The following AUTS2 variants were observed in gnomAD, a reference collection of about 807,000 sequenced individuals.
AUTS2 encodes autism susceptibility gene 2 protein.
In AUTS2, 17 loss-of-function variants were observed where a neutral mutation model predicts 112.4. That is an observed-to-expected ratio of 0.15 (90% CI 0.10 to 0.23). The LOEUF (loss-of-function observed/expected upper bound fraction) is 0.23. AUTS2 is among the 10% of genes least tolerant of loss of function. The probability of loss-of-function intolerance (pLI) is 1.00; values close to 1 mark genes in which losing one functional copy is unlikely to be tolerated. For missense variants in AUTS2, 1,510 were observed against 1,701.6 expected, an observed-to-expected ratio of 0.89 and a Z score of 1.98; for synonymous variants, 751 against 702.7, an observed-to-expected ratio of 1.07 and a Z score of -1.09.
chr7:69,917,458 A>G (rs1318371498), intron 2 of AUTS2, among the ~76,000 whole-genome samples: 1 of 145,906 alleles, frequency 6.9e-6, no homozygotes, highest in Non-Finnish European at 1.5e-5. Context: ...TAAATCAGAA[A>G]TGGACTATAC....
intron 1 of AUTS2, among the ~76,000 whole-genome samples, chr7:69,700,236 C>T (rs1797749468): frequency 6.6e-6 from 1 of 152,124 alleles, no homozygotes; most frequent in Non-Finnish European, 1.5e-5. Context: ...GCATTATTTA[C>T]TATGTCCAAG....
intron 5 of AUTS2, among the ~76,000 whole-genome samples, chr7:70,533,305 G>A (rs549438495): frequency 6.6e-5 from 10 of 152,180 alleles, no homozygotes; most frequent in Non-Finnish European, 1.0e-4. Context: ...TTGTAGAAAC[G>A]GTCTCGCTTT....
chr7:69,830,733 C>T (rs923172115), intron 1 of AUTS2, among the ~76,000 whole-genome samples: 14 of 152,094 alleles, frequency 9.2e-5, no homozygotes, highest in Admixed American at 5.9e-4. Flanking sequence ...TTATTGAGCT[C>T]GTACTAAAAA....
At chr7:70,053,607 A>G (rs1801861258) in intron 2 of AUTS2, among the ~76,000 whole-genome samples, 1 of 147,108 alleles carries the variant, frequency 6.8e-6, no homozygotes, top group Admixed American at 6.8e-5. Flanking sequence ...TGATGAGATC[A>G]TGGCTCACTG....
At chr7:70,326,422 C>T (rs1452544753) in intron 4 of AUTS2, among the ~76,000 whole-genome samples, 5 of 152,150 alleles carry the variant, frequency 3.3e-5, no homozygotes, top group East Asian at 3.9e-4. Context: ...CACACAGCAC[C>T]GCATGAAAAC....
intron 1 of AUTS2, among the ~76,000 whole-genome samples, chr7:69,636,107 T>C (rs952874246): frequency 1.3e-5 from 2 of 152,222 alleles, no homozygotes; most frequent in Admixed American, 6.5e-5. Context: ...AGTCTGGCAC[T>C]AAAGTGATGT....
chr7:70,077,309 G>A (rs1328625102), intron 2 of AUTS2, among the ~76,000 whole-genome samples: 3 of 152,178 alleles, frequency 2.0e-5, no homozygotes, highest in African/African-American at 7.2e-5. Context: ...AAGGTAGGCC[G>A]AGGGATAATG....
At chr7:70,211,066 A>T (rs1211152355) in intron 4 of AUTS2, among the ~76,000 whole-genome samples, 1 of 152,090 alleles carries the variant, frequency 6.6e-6, no homozygotes, top group Non-Finnish European at 1.5e-5. Context: ...GGCTGCTGGG[A>T]GCCTCGGAGA....
At chr7:70,726,230 A>G (rs1011626989) in intron 6 of AUTS2, among the ~76,000 whole-genome samples, 8 of 152,154 alleles carry the variant, frequency 5.3e-5, no homozygotes, top group East Asian at 1.9e-4. Context: ...AAGTTTTTAT[A>G]TAGAGACAAT....
intron 5 of AUTS2, among the ~76,000 whole-genome samples, chr7:70,644,644 C>T (rs1806051857): frequency 6.6e-6 from 1 of 152,074 alleles, no homozygotes. Context: ...AAATGCCCTT[C>T]TTGTGTGTTT....
At chr7:70,311,737 GA>G (rs1315481633) in intron 4 of AUTS2, among the ~76,000 whole-genome samples, 1 of 151,356 alleles carries the variant, frequency 6.6e-6, no homozygotes, top group African/African-American at 2.4e-5. Context: ...TTTTTTTTGA[GA>G]CGGAGTCTCG....
intron 5 of AUTS2, among the ~76,000 whole-genome samples, chr7:70,571,049 T>C (rs930535279): frequency 3.9e-5 from 6 of 152,214 alleles, no homozygotes; most frequent in Non-Finnish European, 7.3e-5. Flanking sequence ...TTACAATGTA[T>C]AGTATATTTA....
chr7:70,149,801 A>T (rs530933710), intron 4 of AUTS2, among the ~76,000 whole-genome samples: 1 of 152,230 alleles, frequency 6.6e-6, no homozygotes, highest in South Asian at 2.1e-4. Context: ...ATTACTTAAA[A>T]ATCTTGGAAA....
chr7:69,695,007 C>T (rs1797496623), intron 1 of AUTS2, among the ~76,000 whole-genome samples: 1 of 152,036 alleles, frequency 6.6e-6, no homozygotes, highest in South Asian at 2.1e-4. Context: ...TATGTTTTGT[C>T]ATCATTTGTT....
At chr7:70,523,552 C>T (rs1317405498) in intron 5 of AUTS2, among the ~76,000 whole-genome samples, 1 of 152,170 alleles carries the variant, frequency 6.6e-6, no homozygotes, top group Non-Finnish European at 1.5e-5. Flanking sequence ...GGTGGAGCTG[C>T]AGGAATACTT....
chr7:70,697,344 C>G (rs1055499894), intron 5 of AUTS2, among the ~76,000 whole-genome samples: 16 of 152,130 alleles, frequency 1.1e-4, no homozygotes, highest in African/African-American at 3.9e-4. Flanking sequence ...ATGGACACCC[C>G]CATAAAAGTA....
chr7:70,268,224 A>G (rs1432870882), intron 4 of AUTS2, among the ~76,000 whole-genome samples: 1 of 152,156 alleles, frequency 6.6e-6, no homozygotes, highest in African/African-American at 2.4e-5. Context: ...TAGCACCTCT[A>G]ACACCTTTGA....
chr7:69,948,488 C>T (rs1796901425), intron 2 of AUTS2, among the ~76,000 whole-genome samples: 1 of 152,112 alleles, frequency 6.6e-6, no homozygotes, highest in African/African-American at 2.4e-5. Flanking sequence ...TAAAACACTC[C>T]AGCCATTGTA....
chr7:70,784,492 TATAAGCTTATTA>T lies in AUTS2; in HGVS notation c.2147-435_2147-424del, dbSNP rs537881843. 4.7e-3 allele frequency: 737 copies of T among 157,128 alleles called. 19 individuals carry two copies. Among genetic ancestry groups the T allele is most frequent in the Admixed American group, 0.039 (625 of 15,884 alleles). The allele number at this position is 157,128 out of a possible 1,614,324, so 9.7% of individuals were successfully genotyped here. A position where few individuals can be genotyped will look rare whatever the true frequency, so the allele number is the denominator to read the frequency against. ...TCCCCTCTTAGAGAACGAAGGAGCC[TATAAGCTTATTA>T]ATAAGCTTATTAATGGCTCTAAGAA... On this transcript the variant is annotated intron_variant, in intron 15 of 18. Coordinates refer to ENST00000342771, the MANE Select transcript of AUTS2 (RefSeq NM_015570.4).
Sources: allele counts gnomAD v4.1 joint callset (sites outside exome capture counted in the v4.1 genomes callset), GRCh38; gene constraint gnomAD v4.1.1; transcripts MANE v1.5; gene names NCBI Gene and HGNC (gene_info 2026-07-23, HGNC 2026-07-21).